RNU12: variants seen among roughly 807,000 people sequenced by gnomAD.
The protein encoded by RNU12 is RNA, U12 small nuclear 1.
At chr22:42,615,286 A>T (rs995709174) in exon 1 of RNU12, 1 of 205,800 alleles carries the variant, frequency 4.9e-6, no homozygotes, top group East Asian at 1.8e-4. Context: ...ATTCGGGGTG[A>T]CGCCCGAATC....
At chr22:42,615,281 G>T (rs371440708) in exon 1 of RNU12, 10 of 206,828 alleles carry the variant, frequency 4.8e-5, no homozygotes, top group Non-Finnish European at 7.0e-5. Context: ...TAACGATTCG[G>T]GGTGACGCCC....
exon 1 of RNU12, chr22:42,615,249 T>A (rs1366773741): frequency 8.7e-6 from 2 of 229,834 alleles, no homozygotes. Flanking sequence ...TCCTTATGCC[T>A]TAAACTTATG....
At chr22:42,615,309 G>C (rs561562343) in exon 1 of RNU12, 1 of 181,726 alleles carries the variant, frequency 5.5e-6, no homozygotes, top group Non-Finnish European at 1.2e-5. Context: ...CACTGCTAAT[G>C]TGAGACGAAT....
exon 1 of RNU12, chr22:42,615,353 C>T (rs546400826): frequency 2.1e-4 from 33 of 158,038 alleles, no homozygotes; most frequent in East Asian, 5.7e-4. Flanking sequence ...TCAAGGTGAC[C>T]CGCCTACTTT....
rs146703104 is a variant in RNU12, at chr22:42,615,383, C to T, written n.140C>T. On this transcript the variant is annotated non_coding_transcript_exon_variant, in exon 1 of 1. Coordinates refer to ENST00000362512, the Ensembl canonical transcript of RNU12. ...TACTTTGCGGGATGCCTGGGAGTTG[C>T]GATCTGCCCGACCTTATTCACGCCT... is the stretch of plus-strand genomic sequence containing the variant. 2.5e-3 allele frequency: 387 copies of T among 156,470 alleles called. 2 individuals are homozygous for T. The highest frequency in any genetic ancestry group is 8.3e-3 in the African/African-American group (345 of 41,584). 9.7% of individuals were successfully genotyped at this position (156,470 alleles called of 1,614,324 possible). A position where few individuals can be genotyped will look rare whatever the true frequency, so the allele number is the denominator to read the frequency against.
chr22:42,615,380 T>TA (rs1556021024), exon 1 of RNU12: 1 of 156,692 alleles, frequency 6.4e-6, no homozygotes, highest in Non-Finnish European at 1.4e-5. Context: ...TGCCTGGGAG[T>TA]TGCGATCTGC....
exon 1 of RNU12, chr22:42,615,307 A>T: frequency 5.5e-6 from 1 of 182,416 alleles, no homozygotes; most frequent in Non-Finnish European, 1.2e-5. Flanking sequence ...CTCACTGCTA[A>T]TGTGAGACGA....
chr22:42,615,380 T>TTGC (rs1248950604), exon 1 of RNU12: 2 of 156,692 alleles, frequency 1.3e-5, no homozygotes, highest in Admixed American at 6.5e-5. Context: ...TGCCTGGGAG[T>TTGC]TGCGATCTGC....
chr22:42,615,390 C>T (rs915243620), exon 1 of RNU12: 7 of 156,228 alleles, frequency 4.5e-5, no homozygotes, highest in South Asian at 3.1e-4. Flanking sequence ...TTGCGATCTG[C>T]CCGACCTTAT....
At chr22:42,615,374 T>G (rs767517832) in exon 1 of RNU12, 4 of 156,916 alleles carry the variant, frequency 2.5e-5, no homozygotes, top group Non-Finnish European at 5.7e-5. Flanking sequence ...GCGGGATGCC[T>G]GGGAGTTGCG....
exon 1 of RNU12, chr22:42,615,365 C>T (rs770085245): frequency 1.4e-4 from 22 of 156,752 alleles, no homozygotes; most frequent in East Asian, 3.8e-4. Context: ...GCCTACTTTG[C>T]GGGATGCCTG....
At chr22:42,615,393 G>C (rs1188041328) in exon 1 of RNU12, 6 of 155,742 alleles carry the variant, frequency 3.9e-5, no homozygotes, top group Non-Finnish European at 8.6e-5. Flanking sequence ...CGATCTGCCC[G>C]ACCTTATTCA....
chr22:42,615,295 T>C, exon 1 of RNU12: 1 of 204,354 alleles, frequency 4.9e-6, no homozygotes, highest in South Asian at 5.5e-5. Context: ...GACGCCCGAA[T>C]CCTCACTGCT....
At chr22:42,615,278 T>G (rs892133433) in exon 1 of RNU12, 31 of 202,272 alleles carry the variant, frequency 1.5e-4, no homozygotes, top group Non-Finnish European at 2.1e-4. Context: ...AAATAACGAT[T>G]CGGGGTGACG....
At chr22:42,615,308 T>C (rs747816836) in exon 1 of RNU12, 23 of 182,402 alleles carry the variant, frequency 1.3e-4, no homozygotes, top group Non-Finnish European at 2.1e-4. Flanking sequence ...TCACTGCTAA[T>C]GTGAGACGAA....
exon 1 of RNU12, chr22:42,615,265 G>A (rs563218458): frequency 7.3e-5 from 15 of 205,624 alleles, no homozygotes; most frequent in Non-Finnish European, 1.1e-4. Flanking sequence ...TTATGAGTAA[G>A]GAAAATAACG....
chr22:42,615,297 C>T lies in RNU12; in HGVS notation n.54C>T, dbSNP rs549604353. 267 of 205,200 alleles carry T rather than the reference C, an allele frequency of 1.3e-3. 2 individuals are homozygous for T. The highest frequency in any genetic ancestry group is 0.011 in the South Asian group (209 of 18,332). The allele number at this position is 205,200 out of a possible 1,614,324, so 12.7% of individuals were successfully genotyped here. On this transcript the variant is annotated non_coding_transcript_exon_variant, in exon 1 of 1. Transcript: ENST00000362512. ...AACGATTCGGGGTGACGCCCGAATC[C>T]TCACTGCTAATGTGAGACGAATTTT...
exon 1 of RNU12, chr22:42,615,345 A>T (rs79126439): frequency 1.2e-5 from 2 of 161,288 alleles, no homozygotes; most frequent in Non-Finnish European, 2.7e-5. Context: ...GGTCGCCCTC[A>T]AGGTGACCCG....
exon 1 of RNU12, chr22:42,615,245 T>C (rs962703587): frequency 4.3e-5 from 10 of 231,466 alleles, no homozygotes; most frequent in Non-Finnish European, 6.9e-5. Context: ...AACGTCCTTA[T>C]GCCTTAAACT....
Sources: gnomAD v4.1 joint callset for allele counts on GRCh38, gnomAD v4.1.1 for gene constraint, MANE v1.5 for transcripts, NCBI Gene and HGNC (gene_info 2026-07-23, HGNC 2026-07-21) for gene names.